Variants in ANK3 observed in about 807,000 individuals in gnomAD.
ANK3 encodes the protein ankyrin-3.
ANK3 carries 57 observed loss-of-function variants against 370.9 expected under a neutral mutation model. The ratio of observed to expected loss-of-function variants is 0.15; its 90% CI spans 0.12 to 0.19. The LOEUF is 0.19. Ranked by LOEUF, ANK3 falls within the 10% of genes least tolerant of loss-of-function variation. ANK3 has a pLI of 1.00. For missense variants in ANK3, 4,439 were observed against 5,302.1 expected (o/e 0.84, Z 5.06); for synonymous variants, 1,929 against 1,946.3 (o/e 0.99, Z 0.23).
At chr10:60,434,812 A>T (rs552537501) in intron 2 of ANK3, among the ~76,000 whole-genome samples, 1 of 152,312 alleles carries the variant, frequency 6.6e-6, no homozygotes, top group South Asian at 2.1e-4. Context: ...ACACTTTAGA[A>T]TTTTTCAGAG....
chr10:60,535,255 A>C (rs550797570), intron 2 of ANK3, among the ~76,000 whole-genome samples: 1 of 152,218 alleles, frequency 6.6e-6, no homozygotes, highest in Non-Finnish European at 1.5e-5. Context: ...TTTAGGTCAG[A>C]AATGAAACCA....
chr10:60,464,637 T>C (rs2064968220), intron 2 of ANK3, among the ~76,000 whole-genome samples: 2 of 152,230 alleles, frequency 1.3e-5, no homozygotes, highest in South Asian at 4.1e-4. Context: ...GAAGATGGAA[T>C]ATTTTTGCTC....
intron 42 of ANK3, among the ~76,000 whole-genome samples, chr10:60,052,102 T>G (rs1440397293): frequency 6.6e-6 from 1 of 152,200 alleles, no homozygotes; most frequent in Admixed American, 6.5e-5. Context: ...GGCTCACACC[T>G]GTAATCCCAG....
chr10:60,392,277 A>T (rs892048048), upstream of ANK3, among the ~76,000 whole-genome samples: 2 of 152,220 alleles, frequency 1.3e-5, no homozygotes, highest in Non-Finnish European at 2.9e-5. Context: ...AAACATTAAA[A>T]CAACTTTTAA....
chr10:60,603,669 C>T (rs749415444), intron 2 of ANK3, among the ~76,000 whole-genome samples: 3 of 152,084 alleles, frequency 2.0e-5, no homozygotes, highest in African/African-American at 4.8e-5. Context: ...AAACATGTTA[C>T]GAAAACCCAT....
intron 2 of ANK3, among the ~76,000 whole-genome samples, chr10:60,469,684 G>T (rs1223690024): frequency 1.1e-4 from 11 of 98,296 alleles, no homozygotes; most frequent in African/African-American, 4.1e-4. Context: ...TATATATGGT[G>T]GTATATATAT....
chr10:60,704,296 A>G (rs1270610000), intron 1 of ANK3, among the ~76,000 whole-genome samples: 4 of 152,212 alleles, frequency 2.6e-5, no homozygotes, highest in Non-Finnish European at 4.4e-5. Flanking sequence ...TTTCACATCC[A>G]TATCAGTTTT....
chr10:60,231,757 A>G (rs559605999), intron 8 of ANK3, among the ~76,000 whole-genome samples: 15 of 152,294 alleles, frequency 9.8e-5, no homozygotes, highest in Non-Finnish European at 1.9e-4. Flanking sequence ...TCTGCCAGAA[A>G]TTCAGTCTGC....
intron 1 of ANK3, among the ~76,000 whole-genome samples, chr10:60,287,246 T>C (rs2040223940): frequency 6.6e-6 from 1 of 152,174 alleles, no homozygotes; most frequent in Non-Finnish European, 1.5e-5. Context: ...AAAGTGCTAG[T>C]TCAAAGATGT....
chr10:60,564,075 AG>A (rs1211696348), intron 2 of ANK3, among the ~76,000 whole-genome samples: 1 of 152,214 alleles, frequency 6.6e-6, no homozygotes, highest in Non-Finnish European at 1.5e-5. Flanking sequence ...TTTCAAATTA[AG>A]TACTGGAGGA....
At chr10:60,080,723 CTTCT>C in intron 35 of ANK3, 105 bp from the exon 36 acceptor site, 3 of 946,434 alleles carry the variant, frequency 3.2e-6, no homozygotes, top group Non-Finnish European at 4.7e-6. Context: ...GTTTATTTTC[CTTCT>C]TAGGAAATGT....
intron 14 of ANK3, among the ~76,000 whole-genome samples, chr10:60,198,096 C>A (rs898291873): frequency 2.6e-5 from 4 of 152,158 alleles, no homozygotes; most frequent in African/African-American, 9.7e-5. Context: ...AGAAATCTGA[C>A]TCTGGATATC....
intron 1 of ANK3, among the ~76,000 whole-genome samples, chr10:60,687,524 G>C (rs1418397983): frequency 2.3e-5 from 3 of 130,792 alleles, no homozygotes; most frequent in Non-Finnish European, 5.0e-5. Flanking sequence ...CATTAGGCTG[G>C]TATAAAAAAA....
intron 2 of ANK3, among the ~76,000 whole-genome samples, chr10:60,415,709 G>A (rs2063647803): frequency 6.6e-6 from 1 of 152,096 alleles, no homozygotes; most frequent in Non-Finnish European, 1.5e-5. Context: ...AGTGGCCAGA[G>A]GCTGTTTGTT....
chr10:60,064,668 C>CACAACAACA (rs56381045), intron 38 of ANK3, among the ~76,000 whole-genome samples: 53,924 of 110,216 alleles, frequency 0.49, 10,284 homozygotes, highest in South Asian at 0.62. Flanking sequence ...TCTCCATACA[C>CACAACAACA]ACAGCAACAA....
At chr10:60,230,763 C>T (rs2097229173) in intron 8 of ANK3, among the ~76,000 whole-genome samples, 1 of 151,978 alleles carries the variant, frequency 6.6e-6, no homozygotes, top group Non-Finnish European at 1.5e-5. Context: ...GTGGCGGGCA[C>T]CTGTAGTCCC....
chr10:60,464,715 C>G (rs975726270), intron 2 of ANK3, among the ~76,000 whole-genome samples: 4 of 152,192 alleles, frequency 2.6e-5, no homozygotes, highest in Non-Finnish European at 4.4e-5. Context: ...CAAAGTGCCT[C>G]ATGTCAAATA....
At chr10:60,609,841 CT>C (rs1212412250) in intron 2 of ANK3, among the ~76,000 whole-genome samples, 6 of 152,088 alleles carry the variant, frequency 3.9e-5, no homozygotes, top group South Asian at 2.1e-4. Flanking sequence ...ATTTACCCCC[CT>C]AACAAAAATA....
At chr10:60,517,097 C>T (rs1036865491) in intron 2 of ANK3, among the ~76,000 whole-genome samples, 5 of 152,092 alleles carry the variant, frequency 3.3e-5, no homozygotes, top group Admixed American at 1.3e-4. Flanking sequence ...GACAGTCTCG[C>T]TCTGTCACCC....
Sources: allele counts gnomAD v4.1 joint callset (sites outside exome capture counted in the v4.1 genomes callset), GRCh38; gene constraint gnomAD v4.1.1; transcripts MANE v1.5; gene names NCBI Gene and HGNC (gene_info 2026-07-23, HGNC 2026-07-21).